SMCO4: variants seen among roughly 807,000 people sequenced by gnomAD.
The protein encoded by SMCO4 is single-pass membrane and coiled-coil domain-containing protein 4.
Under a neutral mutation model 3.6 loss-of-function variants are expected in SMCO4, and 4 were observed. The observed-to-expected ratio is 1.11, with a 90% CI of 0.54 to 2.53. The LOEUF (loss-of-function observed/expected upper bound fraction) is 2.53, where lower values mean the gene tolerates loss of function less well. SMCO4 is among the 30% of genes most tolerant of loss of function. The pLI, the probability that SMCO4 is intolerant of heterozygous loss-of-function variation, is 0.02. For missense variants in SMCO4, 70 were observed against 80.8 expected, an observed-to-expected ratio of 0.87 and a Z score of 0.51; for synonymous variants, 36 against 35.3, an observed-to-expected ratio of 1.02 and a Z score of -0.07.
intron 1 of SMCO4, among the ~76,000 whole-genome samples, chr11:93,522,719 G>A (rs768324088): frequency 2.6e-5 from 4 of 152,218 alleles, no homozygotes; most frequent in Non-Finnish European, 4.4e-5. Flanking sequence ...AGTCTGATGA[G>A]AGAGTGTCTG....
chr11:93,520,975 A>G (rs1055355154), intron 1 of SMCO4, among the ~76,000 whole-genome samples: 1 of 152,262 alleles, frequency 6.6e-6, no homozygotes, highest in Non-Finnish European at 1.5e-5. Flanking sequence ...GTGTCGACAC[A>G]AAACCACCAG....
chr11:93,534,215 TACACACACACACACACAC>T (rs71064754), intron 1 of SMCO4, among the ~76,000 whole-genome samples: 9 of 128,416 alleles, frequency 7.0e-5, no homozygotes, highest in South Asian at 2.4e-4. Context: ...AATATATATA[TACACACACACACACACAC>T]ACACACACAC....
intron 1 of SMCO4, among the ~76,000 whole-genome samples, chr11:93,529,512 C>T (rs181449157): frequency 2.5e-4 from 38 of 152,276 alleles, no homozygotes; most frequent in Non-Finnish European, 4.1e-4. Flanking sequence ...GCTTCTGGCA[C>T]TATCTTGGTA....
chr11:93,516,120 C>T (rs890675401), intron 1 of SMCO4, among the ~76,000 whole-genome samples: 16 of 152,074 alleles, frequency 1.1e-4, no homozygotes, highest in Non-Finnish European at 1.3e-4. Flanking sequence ...TAAATTATCC[C>T]TTTTACTAAA....
chr11:93,546,936 C>G (rs1347661243), upstream of SMCO4, among the ~76,000 whole-genome samples: 3 of 152,214 alleles, frequency 2.0e-5, no homozygotes, highest in African/African-American at 7.2e-5. Flanking sequence ...AAAGCCCCTT[C>G]CACATGCTGT....
In SMCO4 at chr11:93,479,072, C is replaced by A; in HGVS notation, c.118G>T (p.Val40Leu). The change falls in exon 3 of 3, where the codon GTG (valine) becomes TTG (leucine). Residue 40 changes from valine (V) to leucine (L), a missense_variant. Transcript: ENST00000298966. ...AACACCACGATCAAGAGCACGACCA[C>A]GGCCAGCGTGGGCAGCACCACTGTA... ...ITTVVLPTLA[V>L]VVLLIVVFVY... is the part of the protein sequence containing the mutation. 1 of 1,613,958 alleles carries A rather than the reference C, an allele frequency of 6.2e-7. No individual in the cohort carries two copies. The highest frequency in any genetic ancestry group is 8.5e-7 in the Non-Finnish European group (1 of 1,180,004).
intron 1 of SMCO4, among the ~76,000 whole-genome samples, chr11:93,537,405 A>T (rs1231909425): frequency 3.3e-5 from 5 of 152,246 alleles, no homozygotes; most frequent in African/African-American, 1.2e-4. Context: ...TCCTGCCAAC[A>T]AAACAGGAAC....
chr11:93,536,591 G>C (rs959786086), intron 1 of SMCO4, among the ~76,000 whole-genome samples: 1 of 152,178 alleles, frequency 6.6e-6, no homozygotes, highest in South Asian at 2.1e-4. Context: ...GTGTATTTGT[G>C]TATACAGGCT....
intron 1 of SMCO4, among the ~76,000 whole-genome samples, chr11:93,509,257 C>T (rs1403983709): frequency 6.7e-6 from 1 of 150,344 alleles, no homozygotes; most frequent in African/African-American, 2.5e-5. Context: ...CACTGCTGTA[C>T]TTTAGCTAAG....
At position 93,535,697 on chromosome 11, in the gene SMCO4, A is replaced by C. The variant is rs531339385; in HGVS notation, c.-154+7579T>G. On this transcript the variant is annotated intron_variant, in intron 1 of 2. Coordinates refer to ENST00000298966, the MANE Select transcript of SMCO4 (RefSeq NM_020179.3). ...ACAGTGGTGAGCTCCGAGGAAGTGA[A>C]TAAGTTTCAGATGGCTTATTCAAAC... 8.7e-6 allele frequency: 14 copies of C among 1,613,594 alleles called. No individual in the cohort carries two copies. In the South Asian group the frequency reaches 1.5e-4, roughly 18 times the overall value.
At chr11:93,503,984 T>C (rs1445346381) in intron 1 of SMCO4, among the ~76,000 whole-genome samples, 4 of 152,254 alleles carry the variant, frequency 2.6e-5, no homozygotes, top group Non-Finnish European at 5.9e-5. Context: ...ATGATCTTAA[T>C]TATGCATATA....
intron 1 of SMCO4, among the ~76,000 whole-genome samples, chr11:93,514,038 C>T (rs1948982476): frequency 6.6e-6 from 1 of 152,178 alleles, no homozygotes; most frequent in Non-Finnish European, 1.5e-5. Flanking sequence ...CCCCAGACCT[C>T]CTTTGCATAC....
chr11:93,501,252 T>A (rs150662848), intron 1 of SMCO4, among the ~76,000 whole-genome samples: 3 of 152,178 alleles, frequency 2.0e-5, no homozygotes, highest in African/African-American at 7.2e-5. Context: ...TCTAGCAATA[T>A]GAGAAAGAGA....
At chr11:93,485,232 G>A (rs1256304674) in intron 2 of SMCO4, among the ~76,000 whole-genome samples, 7 of 152,116 alleles carry the variant, frequency 4.6e-5, no homozygotes, top group Non-Finnish European at 5.9e-5. Flanking sequence ...CTGCCCTCCT[G>A]TAAGCTTTCC....
At chr11:93,509,445 A>G (rs1948938421) in intron 1 of SMCO4, among the ~76,000 whole-genome samples, 1 of 152,222 alleles carries the variant, frequency 6.6e-6, no homozygotes, top group Non-Finnish European at 1.5e-5. Context: ...CCACCATTTT[A>G]TCCAGCAACC....
At chr11:93,500,462 A>G (rs1948824684) in intron 1 of SMCO4, among the ~76,000 whole-genome samples, 1 of 152,166 alleles carries the variant, frequency 6.6e-6, no homozygotes, top group Non-Finnish European at 1.5e-5. Context: ...GAGTTGGGCA[A>G]TCACAAACTT....
intron 1 of SMCO4, among the ~76,000 whole-genome samples, chr11:93,519,834 A>G (rs1267684771): frequency 6.6e-6 from 1 of 152,168 alleles, no homozygotes; most frequent in Non-Finnish European, 1.5e-5. Flanking sequence ...TGATGGGCTC[A>G]CCCTTACTTG....
At chr11:93,499,504 T>G (rs1304439446) in intron 1 of SMCO4, among the ~76,000 whole-genome samples, 156 bp from the exon 2 acceptor site, 1 of 152,136 alleles carries the variant, frequency 6.6e-6, no homozygotes, top group Non-Finnish European at 1.5e-5. Flanking sequence ...ACCGCCCTGC[T>G]CCAGAAGGGC....
intron 1 of SMCO4, among the ~76,000 whole-genome samples, chr11:93,529,313 G>A (rs1949141222): frequency 6.6e-6 from 1 of 152,210 alleles, no homozygotes; most frequent in African/African-American, 2.4e-5. Flanking sequence ...CATTTTGGAT[G>A]GGTGTGTTTT....
Sources: allele counts gnomAD v4.1 joint callset (sites outside exome capture counted in the v4.1 genomes callset), GRCh38; gene constraint gnomAD v4.1.1; transcripts MANE v1.5; gene names NCBI Gene and HGNC (gene_info 2026-07-23, HGNC 2026-07-21).